Variants in CNTNAP5 observed in about 807,000 individuals in gnomAD.
The protein encoded by CNTNAP5 is contactin associated protein family member 5, also known as contactin-associated protein-like 5.
Under a neutral mutation model 150.2 loss-of-function variants are expected in CNTNAP5, and 72 were observed. The observed-to-expected ratio is 0.48, with a 90% confidence interval of 0.40 to 0.58. The LOEUF (loss-of-function observed/expected upper bound fraction) is 0.58, where lower values mean the gene tolerates loss of function less well. Among genes scored for constraint, CNTNAP5 ranks in the 20% least tolerant of loss-of-function variants. The pLI is 0.00. For missense variants in CNTNAP5, 1,636 were observed against 1,626.2 expected, an observed-to-expected ratio of 1.01 and a Z score of -0.10; for synonymous variants, 672 against 619.8, an observed-to-expected ratio of 1.08 and a Z score of -1.25.
intron 13 of CNTNAP5, among the ~76,000 whole-genome samples, chr2:124,692,652 C>T (rs1039914610): frequency 6.6e-6 from 1 of 152,136 alleles, no homozygotes; most frequent in Non-Finnish European, 1.5e-5. Context: ...AGAAATCGAT[C>T]TCTTTTTAGC....
At chr2:124,335,067 C>T (rs137914272) in intron 3 of CNTNAP5, among the ~76,000 whole-genome samples, 22 of 152,116 alleles carry the variant, frequency 1.4e-4, no homozygotes, top group Admixed American at 1.2e-3. Flanking sequence ...CAGACTAAGA[C>T]GGCAAAAAGA....
intron 1 of CNTNAP5, among the ~76,000 whole-genome samples, chr2:124,143,895 A>T (rs1264098789): frequency 8.4e-6 from 1 of 119,286 alleles, no homozygotes; most frequent in Admixed American, 9.0e-5. Context: ...AGAAAACCCC[A>T]TCATCTCAGC....
At chr2:124,277,091 G>A (rs1403681358) in intron 3 of CNTNAP5, among the ~76,000 whole-genome samples, 1 of 152,118 alleles carries the variant, frequency 6.6e-6, no homozygotes, top group Admixed American at 6.6e-5. Flanking sequence ...CACACCACAT[G>A]TAAAATATAA....
At chr2:124,742,174 A>G (rs116376534) in intron 13 of CNTNAP5, among the ~76,000 whole-genome samples, 156 of 152,308 alleles carry the variant, frequency 1.0e-3, no homozygotes, top group African/African-American at 3.4e-3. Flanking sequence ...TTATAGGCAG[A>G]CCTAAGACAA....
chr2:124,425,521 A>G (rs1457993614), intron 4 of CNTNAP5, among the ~76,000 whole-genome samples: 1 of 152,176 alleles, frequency 6.6e-6, no homozygotes, highest in African/African-American at 2.4e-5. Context: ...CCTCATCCCC[A>G]TAGTGAAACC....
At chr2:124,713,351 C>CTT (rs1237518167) in intron 13 of CNTNAP5, among the ~76,000 whole-genome samples, 1 of 121,438 alleles carries the variant, frequency 8.2e-6, no homozygotes, top group Non-Finnish European at 1.7e-5. Context: ...TTCTTTCTTT[C>CTT]TTTCTTTCTT....
intron 6 of CNTNAP5, among the ~76,000 whole-genome samples, chr2:124,461,469 T>C (rs1693249648): frequency 7.4e-6 from 1 of 134,440 alleles, no homozygotes. Flanking sequence ...TAGGTGGGAA[T>C]TGAACAATGA....
At chr2:124,510,518 T>TATATATACATACACACACAC (rs10641959) in intron 8 of CNTNAP5, among the ~76,000 whole-genome samples, 3 of 124,906 alleles carry the variant, frequency 2.4e-5, no homozygotes, top group African/African-American at 9.6e-5. Context: ...TATATATATA[T>TATATATACATACACACACAC]ACATATATCT....
At chr2:124,140,923 C>T (rs1303685667) in intron 1 of CNTNAP5, among the ~76,000 whole-genome samples, 1 of 57,634 alleles carries the variant, frequency 1.7e-5, no homozygotes, top group Non-Finnish European at 3.6e-5. Flanking sequence ...ACTAGAATAA[C>T]CAATACAGAG....
chr2:124,225,621 C>G (rs535835403), intron 2 of CNTNAP5, among the ~76,000 whole-genome samples: 2 of 152,260 alleles, frequency 1.3e-5, no homozygotes, highest in Admixed American at 6.5e-5. Context: ...TTATCCTTTT[C>G]TTTGTTTTGT....
intron 4 of CNTNAP5, among the ~76,000 whole-genome samples, chr2:124,419,091 G>A (rs992281201): frequency 1.4e-4 from 18 of 128,828 alleles, no homozygotes; most frequent in African/African-American, 4.1e-4. Flanking sequence ...CCGAGATTGC[G>A]CCACTGCAGT....
chr2:124,713,207 CTTTCTTTCTCTG>C (rs1353504716), intron 13 of CNTNAP5, among the ~76,000 whole-genome samples: 3 of 127,842 alleles, frequency 2.3e-5, no homozygotes, highest in African/African-American at 8.7e-5. Flanking sequence ...CCCTCCCTTC[CTTTCTTTCTCTG>C]TTTCTTTCTT....
At chr2:124,869,358 ATTTG>A (rs1677696840) in intron 20 of CNTNAP5, among the ~76,000 whole-genome samples, 1 of 152,138 alleles carries the variant, frequency 6.6e-6, no homozygotes, top group East Asian at 1.9e-4. Context: ...AGCAGGTTTC[ATTTG>A]TTTGCTTGTT....
At chr2:124,581,717 A>G (rs776208414) in intron 11 of CNTNAP5, among the ~76,000 whole-genome samples, 1 of 152,192 alleles carries the variant, frequency 6.6e-6, no homozygotes, top group Non-Finnish European at 1.5e-5. Context: ...CACAGAGATG[A>G]ACCAGTGTCC....
chr2:124,451,048 AAAAATATATATATAT>A (rs1280925863), intron 6 of CNTNAP5, among the ~76,000 whole-genome samples: 5 of 73,210 alleles, frequency 6.8e-5, no homozygotes, highest in African/African-American at 2.6e-4. Flanking sequence ...AAAAAAAAAA[AAAAATATATATATAT>A]ATATATATAT....
chr2:124,609,587 AAGAGAG>A (rs889734115), intron 11 of CNTNAP5, among the ~76,000 whole-genome samples: 3 of 151,564 alleles, frequency 2.0e-5, no homozygotes, highest in Non-Finnish European at 4.4e-5. Context: ...TAATAATAAA[AAGAGAG>A]AGAGAGAGAG....
At chr2:124,857,689 A>G (rs1362403934) in intron 19 of CNTNAP5, among the ~76,000 whole-genome samples, 1 of 151,966 alleles carries the variant, frequency 6.6e-6, no homozygotes, top group African/African-American at 2.4e-5. Flanking sequence ...AAAAATGAAT[A>G]GTTAGCTGGG....
chr2:124,658,370 G>T (rs1220462560), intron 13 of CNTNAP5, among the ~76,000 whole-genome samples: 2 of 151,988 alleles, frequency 1.3e-5, no homozygotes, highest in African/African-American at 4.8e-5. Context: ...TTCTCTGAGT[G>T]TCCTTTTCAC....
intron 1 of CNTNAP5, among the ~76,000 whole-genome samples, chr2:124,045,716 T>C (rs761139809): frequency 1.3e-4 from 20 of 152,188 alleles, no homozygotes; most frequent in South Asian, 4.1e-4. Flanking sequence ...ATAACCTTCT[T>C]TTTATTCTAA....
Sources: allele counts gnomAD v4.1 joint callset (sites outside exome capture counted in the v4.1 genomes callset), GRCh38; gene constraint gnomAD v4.1.1; transcripts MANE v1.5; gene names NCBI Gene and HGNC (gene_info 2026-07-23, HGNC 2026-07-21).